Variants in SCFD2 observed in about 807,000 individuals in gnomAD.
SCFD2 encodes sec1 family domain-containing protein 2.
A neutral mutation model predicts 58.9 loss-of-function variants in SCFD2; 54 were observed. The observed-to-expected ratio is 0.92, with a 90% CI of 0.74 to 1.15. SCFD2 has a LOEUF of 1.15. Among genes scored for constraint, SCFD2 ranks in the 50% most tolerant of loss-of-function variants. The probability of loss-of-function intolerance (pLI) is 0.00; values close to 1 mark genes in which losing one functional copy is unlikely to be tolerated. For missense variants in SCFD2, 805 were observed against 836.6 expected (o/e 0.96, Z 0.47); for synonymous variants, 321 against 335.9 (o/e 0.96, Z 0.49).
chr4:53,325,224 TAAAA>T (rs34208247), intron 2 of SCFD2, among the ~76,000 whole-genome samples: 5 of 133,338 alleles, frequency 3.7e-5, no homozygotes, highest in African/African-American at 8.2e-5. Context: ...TTTGTGACAG[TAAAA>T]AAAAAAAAAA....
chr4:53,234,491 T>C (rs980937678), intron 4 of SCFD2, among the ~76,000 whole-genome samples: 2 of 152,210 alleles, frequency 1.3e-5, no homozygotes, highest in African/African-American at 4.8e-5. Flanking sequence ...AGAGGTTTTG[T>C]CAATTAAATA....
chr4:52,876,465 T>A (rs923763618), intron 8 of SCFD2, among the ~76,000 whole-genome samples: 3 of 152,076 alleles, frequency 2.0e-5, no homozygotes, highest in Non-Finnish European at 4.4e-5. Context: ...AAGCCCTTTT[T>A]CGAACTGGGT....
intron 4 of SCFD2, among the ~76,000 whole-genome samples, chr4:53,260,779 T>G (rs1470048668): frequency 6.6e-6 from 1 of 152,198 alleles, no homozygotes; most frequent in Non-Finnish European, 1.5e-5. Context: ...TTCCCTATTG[T>G]GTGGAATAGT....
At chr4:53,172,963 C>T (rs1240989024) in intron 4 of SCFD2, among the ~76,000 whole-genome samples, 1 of 152,110 alleles carries the variant, frequency 6.6e-6, no homozygotes, top group Non-Finnish European at 1.5e-5. Flanking sequence ...TACTGAATTG[C>T]AATTTATTAT....
chr4:53,278,770 C>A (rs1384701701), intron 3 of SCFD2, among the ~76,000 whole-genome samples: 2 of 151,864 alleles, frequency 1.3e-5, no homozygotes, highest in East Asian at 3.9e-4. Flanking sequence ...TTTTTACACA[C>A]TCATGACACT....
chr4:52,992,775 G>GC (rs999658830), intron 5 of SCFD2, among the ~76,000 whole-genome samples: 1 of 151,732 alleles, frequency 6.6e-6, no homozygotes, highest in African/African-American at 2.4e-5. Context: ...GTGAAGTGAA[G>GC]CCCCCCCTCC....
At chr4:53,139,068 G>C (rs1252394880) in intron 5 of SCFD2, among the ~76,000 whole-genome samples, 3 of 152,134 alleles carry the variant, frequency 2.0e-5, no homozygotes, top group Non-Finnish European at 4.4e-5. Context: ...ACGGGGTTTC[G>C]CCATGTTGGC....
intron 2 of SCFD2, among the ~76,000 whole-genome samples, chr4:53,321,768 G>A (rs551570935): frequency 6.6e-6 from 1 of 152,258 alleles, no homozygotes; most frequent in Non-Finnish European, 1.5e-5. Flanking sequence ...TTTAACAAAT[G>A]TACCAATTAA....
intron 4 of SCFD2, among the ~76,000 whole-genome samples, chr4:53,213,439 A>T (rs1475898931): frequency 6.6e-6 from 1 of 152,144 alleles, no homozygotes; most frequent in Non-Finnish European, 1.5e-5. Context: ...GGGGTCTGAA[A>T]TTAAAACCAG....
Position 53,291,227 on chromosome 4 carries a change from C to T in SCFD2, c.1136-17226G>A, listed in dbSNP as rs1731829767. 2.0e-5 allele frequency among the ~76,000 whole-genome samples: 3 copies of T among 152,044 alleles called. 1 individual carries two copies. The highest frequency in any genetic ancestry group is 4.4e-5 in the Non-Finnish European group (3 of 67,958). On this transcript the variant is annotated intron_variant, in intron 3 of 8. Coordinates refer to ENST00000401642, the MANE Select transcript of SCFD2 (RefSeq NM_152540.4). Reference sequence around the variant, plus strand: ...ATACTAGCATACAAATTTAACAATACATCATAAAGATTATACATCATGAAA... The same window carrying T: ...ATACTAGCATACAAATTTAACAATATATCATAAAGATTATACATCATGAAA...
chr4:53,071,270 C>T (rs1395884784), intron 5 of SCFD2, among the ~76,000 whole-genome samples: 1 of 152,062 alleles, frequency 6.6e-6, no homozygotes, highest in Admixed American at 6.6e-5. Flanking sequence ...GGAGTCTGTA[C>T]ATTAGAGAGG....
At chr4:53,106,443 C>T (rs943150078) in intron 5 of SCFD2, among the ~76,000 whole-genome samples, 1 of 152,126 alleles carries the variant, frequency 6.6e-6, no homozygotes, top group African/African-American at 2.4e-5. Context: ...GGAGCATGTT[C>T]TAACCCAATG....
At chr4:53,295,524 A>T (rs1731996734) in intron 3 of SCFD2, among the ~76,000 whole-genome samples, 2 of 152,188 alleles carry the variant, frequency 1.3e-5, no homozygotes, top group South Asian at 4.1e-4. Context: ...TTATCTGCTT[A>T]AGAAGATTTT....
At chr4:52,959,958 AT>A in intron 5 of SCFD2, among the ~76,000 whole-genome samples, 1 of 145,174 alleles carries the variant, frequency 6.9e-6, no homozygotes, top group Non-Finnish European at 1.5e-5. Flanking sequence ...AACAGGTAAA[AT>A]TAGGCTGTAA....
chr4:53,248,266 G>A (rs1357640144), intron 4 of SCFD2, among the ~76,000 whole-genome samples: 1 of 152,234 alleles, frequency 6.6e-6, no homozygotes, highest in South Asian at 2.1e-4. Flanking sequence ...CTGGCTTGGA[G>A]GGTCCTACAC....
intron 4 of SCFD2, among the ~76,000 whole-genome samples, chr4:53,250,220 C>T (rs575890186): frequency 1.3e-5 from 2 of 152,126 alleles, no homozygotes; most frequent in African/African-American, 2.4e-5. Flanking sequence ...TTACATAATG[C>T]TAAAGGGATC....
At chr4:53,185,079 TATTCTTCACTTA>T (rs1279049229) in intron 4 of SCFD2, among the ~76,000 whole-genome samples, 1 of 152,038 alleles carries the variant, frequency 6.6e-6, no homozygotes, top group Non-Finnish European at 1.5e-5. Context: ...GAGAGAAAAA[TATTCTTCACTTA>T]ATTCAGGCTA....
intron 5 of SCFD2, among the ~76,000 whole-genome samples, chr4:53,131,346 A>G (rs1725781814): frequency 6.6e-6 from 1 of 152,208 alleles, no homozygotes; most frequent in Admixed American, 6.5e-5. Flanking sequence ...GCCAATGGGT[A>G]TCTGAGATAA....
At chr4:53,054,594 G>A (rs1723270965) in intron 5 of SCFD2, among the ~76,000 whole-genome samples, 2 of 148,516 alleles carry the variant, frequency 1.3e-5, no homozygotes, top group Admixed American at 6.7e-5. Context: ...AGAAGCCAGA[G>A]ACAGATGAAG....
Sources: allele counts gnomAD v4.1 joint callset (sites outside exome capture counted in the v4.1 genomes callset), GRCh38; gene constraint gnomAD v4.1.1; transcripts MANE v1.5; gene names NCBI Gene and HGNC (gene_info 2026-07-23, HGNC 2026-07-21).